The following MARCHF1 variants were observed in gnomAD, a reference collection of about 807,000 sequenced individuals.
MARCHF1 encodes membrane associated ring-CH-type finger 1.
MARCHF1 carries 40 observed loss-of-function variants against 54.2 expected under a neutral mutation model. The observed-to-expected ratio is 0.74, with a 90% confidence interval of 0.57 to 0.96. The LOEUF (loss-of-function observed/expected upper bound fraction) is 0.96, where lower values mean the gene tolerates loss of function less well. MARCHF1 is among the 40% of genes least tolerant of loss of function. The pLI is 0.00. For synonymous variants in MARCHF1, 236 were observed against 236.3 expected (o/e 1.00, Z 0.01); for missense variants, 586 against 656.5 (o/e 0.89, Z 1.17).
chr4:163,775,486 A>G (rs371985871), intron 4 of MARCHF1, among the ~76,000 whole-genome samples: 1 of 152,292 alleles, frequency 6.6e-6, no homozygotes, highest in East Asian at 1.9e-4. Flanking sequence ...GAGTGAATAT[A>G]TGAATTCTTA....
chr4:164,116,378 C>T (rs959597165), intron 1 of MARCHF1, among the ~76,000 whole-genome samples: 1 of 152,166 alleles, frequency 6.6e-6, no homozygotes, highest in Non-Finnish European at 1.5e-5. Flanking sequence ...AACTAACTAT[C>T]TTAGGATTTG....
At chr4:163,787,535 AC>A (rs1747656782) in intron 4 of MARCHF1, among the ~76,000 whole-genome samples, 1 of 151,688 alleles carries the variant, frequency 6.6e-6, no homozygotes, top group African/African-American at 2.4e-5. Context: ...ATTATCTCAT[AC>A]CCATTAGGAT....
chr4:163,584,624 A>G (rs1374375156), intron 8 of MARCHF1: 2 of 152,238 alleles, frequency 1.3e-5, no homozygotes, highest in African/African-American at 2.4e-5. Flanking sequence ...GATAGCTATA[A>G]ACCATTTGCA....
intron 4 of MARCHF1, among the ~76,000 whole-genome samples, chr4:163,843,037 C>G (rs1043133774): frequency 6.6e-6 from 1 of 151,990 alleles, no homozygotes; most frequent in Non-Finnish European, 1.5e-5. Context: ...TCAAGTAGTC[C>G]CCGGTGTTTA....
intron 7 of MARCHF1, among the ~76,000 whole-genome samples, chr4:163,609,563 T>C (rs1448871347): frequency 6.6e-6 from 1 of 151,946 alleles, no homozygotes; most frequent in Non-Finnish European, 1.5e-5. Context: ...GACTACACTG[T>C]GTATGTGACT....
At chr4:164,013,644 A>G (rs1753473752) in intron 2 of MARCHF1, among the ~76,000 whole-genome samples, 1 of 152,238 alleles carries the variant, frequency 6.6e-6, no homozygotes. Flanking sequence ...AGCAAGAGAA[A>G]AGAAGCAAAT....
At chr4:163,647,173 A>G (rs982723479) in intron 5 of MARCHF1, among the ~76,000 whole-genome samples, 3 of 152,142 alleles carry the variant, frequency 2.0e-5, no homozygotes, top group African/African-American at 7.2e-5. Context: ...GAAGGTCACT[A>G]TATAATGATA....
chr4:163,935,801 T>C (rs1751784040), intron 3 of MARCHF1, among the ~76,000 whole-genome samples: 1 of 151,858 alleles, frequency 6.6e-6, no homozygotes. Context: ...CATGCTGGTG[T>C]TTTGCTTTCT....
chr4:163,879,356 T>C (rs941681024), intron 3 of MARCHF1, among the ~76,000 whole-genome samples: 3 of 152,186 alleles, frequency 2.0e-5, no homozygotes, highest in Non-Finnish European at 4.4e-5. Flanking sequence ...ATAACATTTG[T>C]ATAACTACAG....
At position 163,528,967 on chromosome 4, in the gene MARCHF1, T is replaced by C. The variant is rs541670786; in HGVS notation, c.1419A>G (p.Val473=). 6.2e-7 allele frequency: 1 copy of C among 1,613,144 alleles called. No individual in the cohort carries two copies. Among genetic ancestry groups the C allele is most frequent in the Middle Eastern group, 1.7e-4 (1 of 6,056 alleles). The change falls in exon 10 of 10, where the codon GTA becomes GTG. Residue 473 remains valine (V), a synonymous_variant. Coordinates refer to ENST00000514618, the MANE Select transcript of MARCHF1 (RefSeq NM_001394959.1). ...GFTGGLVFMY[V]QCKVYVQLWR... is the part of the protein sequence containing the mutation. Reference sequence around the variant, plus strand: ...ACAACTGAACATAGACTTTACACTGTACGTACATGAAGACAAGACCTCCTG... The same window carrying C: ...ACAACTGAACATAGACTTTACACTGCACGTACATGAAGACAAGACCTCCTG...
chr4:163,695,220 C>T (rs1356090341), intron 5 of MARCHF1, among the ~76,000 whole-genome samples: 1 of 152,060 alleles, frequency 6.6e-6, no homozygotes, highest in African/African-American at 2.4e-5. Context: ...TCACCTTGAC[C>T]TTGCTGGAAA....
chr4:164,266,563 T>C (rs1466813663), intron 1 of MARCHF1, among the ~76,000 whole-genome samples: 1 of 152,180 alleles, frequency 6.6e-6, no homozygotes, highest in Non-Finnish European at 1.5e-5. Context: ...CATGTACCAG[T>C]GGGCCTCATA....
rs145877906 is a variant in MARCHF1, at chr4:163,804,827, ATC to A, written c.111+49192_111+49193del. 6.3e-3 allele frequency among the ~76,000 whole-genome samples: 955 copies of A among 152,168 alleles called. 6 individuals are homozygous for A. Among genetic ancestry groups the A allele is most frequent in the South Asian group, 0.016 (77 of 4,826 alleles). On this transcript the variant is annotated intron_variant, in intron 4 of 9. Coordinates refer to ENST00000514618, the MANE Select transcript of MARCHF1 (RefSeq NM_001394959.1). ...TTTTTCACGGCATTCCCTTTTAGAC[ATC>A]TCTCTCACCTGTCTTCATTTGCACC...
At chr4:163,809,217 G>A (rs556703459) in intron 4 of MARCHF1, among the ~76,000 whole-genome samples, 28 of 152,208 alleles carry the variant, frequency 1.8e-4, no homozygotes, top group Non-Finnish European at 3.2e-4. Flanking sequence ...TTTTAAACAA[G>A]GGTCATAATT....
intron 1 of MARCHF1, among the ~76,000 whole-genome samples, chr4:164,253,740 G>A (rs567060972): frequency 2.6e-5 from 4 of 152,158 alleles, no homozygotes; most frequent in South Asian, 2.1e-4. Flanking sequence ...GTTTATAACT[G>A]CTTTATTTGT....
intron 1 of MARCHF1, among the ~76,000 whole-genome samples, chr4:164,115,166 A>G (rs1456716189): frequency 1.3e-5 from 2 of 152,058 alleles, no homozygotes; most frequent in African/African-American, 4.8e-5. Context: ...CTCCGCATAC[A>G]AAGGGTCTTA....
At chr4:163,581,285 A>G (rs1006593778) in intron 8 of MARCHF1, among the ~76,000 whole-genome samples, 9 of 152,176 alleles carry the variant, frequency 5.9e-5, no homozygotes, top group Non-Finnish European at 1.0e-4. Flanking sequence ...ATAAAATAGG[A>G]TTGTAATGAA....
intron 1 of MARCHF1, among the ~76,000 whole-genome samples, chr4:164,374,247 CA>C (rs140020294): frequency 0.082 from 12,399 of 152,054 alleles, 1,080 homozygotes; most frequent in East Asian, 0.28. Context: ...CAGACGTCAA[CA>C]TTTTTTTAAG....
At chr4:163,782,735 A>G (rs1287983313) in intron 4 of MARCHF1, among the ~76,000 whole-genome samples, 1 of 152,032 alleles carries the variant, frequency 6.6e-6, no homozygotes, top group African/African-American at 2.4e-5. Context: ...GCAAACAGGC[A>G]TATATACATG....
Sources: allele counts gnomAD v4.1 joint callset (sites outside exome capture counted in the v4.1 genomes callset), GRCh38; gene constraint gnomAD v4.1.1; transcripts MANE v1.5; gene names NCBI Gene and HGNC (gene_info 2026-07-23, HGNC 2026-07-21).